The following AGBL1 variants were observed in gnomAD, a reference collection of about 807,000 sequenced individuals.
The protein encoded by AGBL1 is cytosolic carboxypeptidase 4.
AGBL1 carries 130 observed loss-of-function variants against 118.9 expected under a neutral mutation model. That is an observed-to-expected ratio of 1.09 (90% confidence interval 0.95 to 1.26). The LOEUF is 1.26. Ranked by LOEUF, AGBL1 falls within the 50% of genes most tolerant of loss-of-function variation. The pLI, the probability that AGBL1 is intolerant of heterozygous loss-of-function variation, is 0.00. For synonymous variants in AGBL1, 555 were observed against 478.9 expected (o/e 1.16, Z -2.08); for missense variants, 1,584 against 1,298.1 (o/e 1.22, Z -3.38).
intron 6 of AGBL1, among the ~76,000 whole-genome samples, chr15:86,232,043 A>C (rs1222647083): frequency 6.6e-6 from 1 of 152,172 alleles, no homozygotes; most frequent in Non-Finnish European, 1.5e-5. Flanking sequence ...AGGCCGGCCG[A>C]TGAATGGTGG....
At chr15:86,754,812 C>G (rs956028737) in intron 22 of AGBL1, among the ~76,000 whole-genome samples, 2 of 152,082 alleles carry the variant, frequency 1.3e-5, no homozygotes, top group East Asian at 1.9e-4. Flanking sequence ...GACCTTTTAG[C>G]TTGCATGCAT....
chr15:86,923,459 C>A (rs2080500797), intron 23 of AGBL1, among the ~76,000 whole-genome samples: 1 of 152,202 alleles, frequency 6.6e-6, no homozygotes. Context: ...GTTCCTCCCT[C>A]CCTTCAAGGA....
At chr15:86,661,997 C>A (rs2085550320) in intron 21 of AGBL1, among the ~76,000 whole-genome samples, 1 of 152,212 alleles carries the variant, frequency 6.6e-6, no homozygotes, top group African/African-American at 2.4e-5. Context: ...CCTCATTCAA[C>A]AACTTCAGTT....
At chr15:86,275,569 A>G (rs2079238035) in intron 15 of AGBL1, among the ~76,000 whole-genome samples, 1 of 152,224 alleles carries the variant, frequency 6.6e-6, no homozygotes, top group African/African-American at 2.4e-5. Context: ...TTTTAAGTAC[A>G]AATGGAAATA....
intron 1 of AGBL1, among the ~76,000 whole-genome samples, chr15:86,119,476 C>T (rs1897959466): frequency 6.6e-6 from 1 of 152,052 alleles, no homozygotes; most frequent in Non-Finnish European, 1.5e-5. Flanking sequence ...AGTCAAGGCA[C>T]CTGAAGAGAC....
Position 86,514,135 on chromosome 15 carries a change from AACACACACACAC to A in AGBL1, c.2556-8659_2556-8648del, listed in dbSNP as rs3084321. Among the ~76,000 whole-genome samples the A allele has an allele frequency of 4.4e-4, 65 of 149,184 alleles. 1 individual carries two copies. The highest frequency in any genetic ancestry group is 4.0e-3 in the Admixed American group (60 of 14,928). ...AAATAGATGTATGAATACACACACA[AACACACACACAC>A]ACACACACACACACATACACATCTA... On this transcript the variant is annotated intron_variant, in intron 18 of 22. Transcript: ENST00000614907.
chr15:86,626,831 CT>C (rs1412884392), intron 21 of AGBL1, among the ~76,000 whole-genome samples: 49 of 114,162 alleles, frequency 4.3e-4, no homozygotes, highest in African/African-American at 1.4e-3. Flanking sequence ...GAGTAATATA[CT>C]TTTCTTTTTT....
intron 19 of AGBL1, among the ~76,000 whole-genome samples, chr15:86,539,140 C>T (rs1256193831): frequency 3.9e-5 from 6 of 152,158 alleles, no homozygotes; most frequent in Non-Finnish European, 8.8e-5. Context: ...TTGGTTTAGT[C>T]AAAGGCCCAA....
chr15:86,289,676 T>C (rs899726965), intron 16 of AGBL1, among the ~76,000 whole-genome samples: 1 of 152,172 alleles, frequency 6.6e-6, no homozygotes, highest in Non-Finnish European at 1.5e-5. Context: ...AAGCCAAAAA[T>C]TGCATGCCTC....
At chr15:86,563,627 TATGTGG>T (rs2083865460) in intron 21 of AGBL1, among the ~76,000 whole-genome samples, 2 of 152,126 alleles carry the variant, frequency 1.3e-5, no homozygotes, top group Non-Finnish European at 2.9e-5. Flanking sequence ...GGTGGATGGT[TATGTGG>T]ATGTCTGTTA....
chr15:86,899,786 T>A (rs1567230557), intron 22 of AGBL1, among the ~76,000 whole-genome samples: 1 of 152,138 alleles, frequency 6.6e-6, no homozygotes, highest in Non-Finnish European at 1.5e-5. Context: ...ATGCATATTG[T>A]GATGCATATT....
intron 23 of AGBL1, among the ~76,000 whole-genome samples, chr15:86,962,163 C>T (rs904086658): frequency 1.3e-5 from 2 of 152,072 alleles, no homozygotes; most frequent in African/African-American, 2.4e-5. Context: ...AAAAGAAAGA[C>T]AAGTTGCACC....
At position 86,973,336 on chromosome 15, in the gene AGBL1, A is replaced by C. The variant is rs528288777; in HGVS notation, c.3222-14651A>C. 3.9e-5 allele frequency among the ~76,000 whole-genome samples: 6 copies of C among 152,168 alleles called. No homozygotes were observed. The East Asian group carries it at 9.7e-4, about 25-fold the overall frequency. ...CTTACTTTTGTGACTTAAAATTGCT[A>C]CACCATCAACAGTTGAAGCTTCTTG... On this transcript the variant is annotated intron_variant, in intron 23 of 24. Coordinates refer to the AGBL1 transcript ENST00000441037.
At chr15:86,383,765 T>C (rs115187328) in intron 17 of AGBL1, among the ~76,000 whole-genome samples, 2,576 of 152,236 alleles carry the variant, frequency 0.017, 74 homozygotes, top group African/African-American at 0.058. Context: ...TAGAGGAAAC[T>C]CTGTCCCGGA....
chr15:86,329,452 T>G (rs1008269382), intron 17 of AGBL1, among the ~76,000 whole-genome samples: 4 of 152,008 alleles, frequency 2.6e-5, no homozygotes, highest in African/African-American at 9.7e-5. Context: ...CTGTTCCACA[T>G]GTAGACAAAT....
chr15:86,375,520 G>A (rs1217616429), intron 17 of AGBL1, among the ~76,000 whole-genome samples: 2 of 152,120 alleles, frequency 1.3e-5, no homozygotes, highest in Non-Finnish European at 2.9e-5. Flanking sequence ...GCCAAACCAT[G>A]TCAGGTACAG....
chr15:86,940,360 CA>C (rs1208220314), intron 23 of AGBL1, among the ~76,000 whole-genome samples: 1 of 151,996 alleles, frequency 6.6e-6, no homozygotes, highest in East Asian at 1.9e-4. Context: ...GATGATTTAT[CA>C]AACTATTTAG....
At position 86,345,002 on chromosome 15, in the gene AGBL1, T is replaced by C. The variant is rs571854663; in HGVS notation, c.2374+49594T>C. On this transcript the variant is annotated intron_variant, in intron 17 of 22. Transcript: ENST00000614907. ...CCTACAATTAATTATTTAATCAATC[T>C]ATTCATTTGTTTAAAGCATATTAAT... Among the ~76,000 whole-genome samples, 4 of 152,292 alleles carry C rather than the reference T, an allele frequency of 2.6e-5. No individual in the cohort carries two copies. In the East Asian group the frequency reaches 5.8e-4, roughly 22 times the overall value.
chr15:86,543,741 CA>C (rs2142247406), intron 19 of AGBL1, among the ~76,000 whole-genome samples: 1 of 152,296 alleles, frequency 6.6e-6, no homozygotes, highest in South Asian at 2.1e-4. Flanking sequence ...TGGCCCTACC[CA>C]AAGGATACAG....
Sources: allele counts gnomAD v4.1 joint callset (sites outside exome capture counted in the v4.1 genomes callset), GRCh38; gene constraint gnomAD v4.1.1; transcripts MANE v1.5; gene names NCBI Gene and HGNC (gene_info 2026-07-23, HGNC 2026-07-21).